The following SORBS2 variants were observed in gnomAD, a reference collection of about 807,000 sequenced individuals.
SORBS2 encodes sorbin and SH3 domain containing 2.
Under a neutral mutation model 97.7 loss-of-function variants are expected in SORBS2, and 46 were observed. That is an observed-to-expected ratio of 0.47 (90% CI 0.37 to 0.60). SORBS2 has a LOEUF of 0.60. Among genes scored for constraint, SORBS2 ranks in the 20% least tolerant of loss-of-function variants. SORBS2 has a pLI of 0.00. For synonymous variants in SORBS2, 476 were observed against 473.4 expected (o/e 1.01, Z -0.07); for missense variants, 1,316 against 1,282.3 (o/e 1.03, Z -0.40).
intron 12 of SORBS2, 47 bp downstream of exon 24, chr4:185,611,733 A>T: frequency 6.9e-7 from 1 of 1,454,624 alleles, no homozygotes; most frequent in Non-Finnish European, 9.6e-7. Context: ...CGATTATCTT[A>T]CTTGGAGCTT....
At chr4:185,659,670 C>G (rs200880344), upstream of SORBS2, among the ~76,000 whole-genome samples, 67 of 152,278 alleles carry the variant, frequency 4.4e-4, no homozygotes, top group East Asian at 9.9e-3. Flanking sequence ...ATCCACCCGC[C>G]TCGGCCTTCC....
intron 1 of SORBS2, among the ~76,000 whole-genome samples, chr4:185,797,206 T>A (rs901910278): frequency 1.1e-4 from 17 of 152,182 alleles, no homozygotes; most frequent in African/African-American, 3.9e-4. Context: ...TCAGATGCGT[T>A]CCAGACACTT....
At chr4:185,650,483 C>T (rs1288701276) in intron 2 of SORBS2, among the ~76,000 whole-genome samples, 4 of 152,200 alleles carry the variant, frequency 2.6e-5, no homozygotes, top group Non-Finnish European at 5.9e-5. Context: ...GACTCGTCCA[C>T]TGATCAAATG....
intron 2 of SORBS2, among the ~76,000 whole-genome samples, chr4:185,690,149 T>G (rs905305783): frequency 6.6e-6 from 1 of 152,350 alleles, no homozygotes; most frequent in South Asian, 2.1e-4. Context: ...TATAAAACTT[T>G]GGCACTCTAT....
At position 185,673,191 on chromosome 4, in the gene SORBS2, C is replaced by T. The variant is rs28681135; in HGVS notation, c.-46+5232G>A. ...GGGAAGGGGGATATGAGTTGCTATT[C>T]GGTGGGCATAAAGTTTTAGTTATGC... is the stretch of plus-strand genomic sequence containing the variant. On this transcript the variant is annotated intron_variant, in intron 4 of 20. Coordinates refer to the SORBS2 transcript ENST00000284776. Among the ~76,000 whole-genome samples the T allele has an allele frequency of 9.6e-3, 1,462 of 152,210 alleles. 22 individuals are homozygous for T. The highest frequency in any genetic ancestry group is 0.032 in the African/African-American group (1,345 of 41,522).
At chr4:185,876,786 T>C (rs978849431) in intron 1 of SORBS2, among the ~76,000 whole-genome samples, 1 of 152,168 alleles carries the variant, frequency 6.6e-6, no homozygotes, top group Non-Finnish European at 1.5e-5. Flanking sequence ...CACATAATAA[T>C]TCAGTTAAAA....
chr4:185,690,665 A>C, intron 2 of SORBS2, 54 bp from the exon 4 acceptor site: 1 of 732,264 alleles, frequency 1.4e-6, no homozygotes, highest in Non-Finnish European at 2.2e-6. Flanking sequence ...AGAAAATATC[A>C]TGAAAGTGTG....
intron 1 of SORBS2, among the ~76,000 whole-genome samples, chr4:185,865,852 A>T (rs558320469): frequency 1.4e-5 from 2 of 146,938 alleles, no homozygotes; most frequent in South Asian, 4.3e-4. Context: ...CTTGATAAAC[A>T]TGCCTTTTAA....
At chr4:185,690,060 G>A (rs1405377233) in intron 2 of SORBS2, among the ~76,000 whole-genome samples, 1 of 151,904 alleles carries the variant, frequency 6.6e-6, no homozygotes, top group Non-Finnish European at 1.5e-5. Flanking sequence ...GTTATTTGGA[G>A]ATACTACTCT....
Position 185,691,776 on chromosome 4 carries a change from G to A in SORBS2, c.-197-12954C>T, listed in dbSNP as rs566109716. Among the ~76,000 whole-genome samples the A allele has an allele frequency of 5.9e-5, 9 of 151,924 alleles. No homozygotes were observed. The South Asian group carries it at 1.0e-3, about 18-fold the overall frequency. On this transcript the variant is annotated intron_variant, in intron 2 of 20. Transcript: ENST00000284776. ...AGTTTTTTTTTTTGAGATGAGTCTCGCTCTGTCGCCCAGGCTGGAGTGCAG... is the reference window on the plus strand; with the variant it reads ...AGTTTTTTTTTTTGAGATGAGTCTCACTCTGTCGCCCAGGCTGGAGTGCAG...
rs147381423 is a variant in SORBS2 at position 185,642,939 on chromosome 4, T to C, written c.396+3729A>G. Among the ~76,000 whole-genome samples the C allele has an allele frequency of 9.2e-5, 14 of 152,324 alleles. No individual in the cohort carries two copies. The East Asian group carries it at 2.5e-3, about 27-fold the overall frequency. ...GATAAACAACAGAACAAGGATTCAG[T>C]CCCTCACCAACTTTTTCCACTGACT... is the stretch of plus-strand genomic sequence containing the variant. On this transcript the variant is annotated intron_variant, in intron 4 of 14. Coordinates refer to ENST00000418609, the Ensembl canonical transcript of SORBS2.
At chr4:185,742,718 T>C (rs2098735024) in intron 2 of SORBS2, among the ~76,000 whole-genome samples, 1 of 152,142 alleles carries the variant, frequency 6.6e-6, no homozygotes, top group Non-Finnish European at 1.5e-5. Context: ...TAAAGATATA[T>C]TTGCTATAGT....
chr4:185,950,450 A>G (rs1332960190), intron 1 of SORBS2, among the ~76,000 whole-genome samples: 1 of 152,150 alleles, frequency 6.6e-6, no homozygotes, highest in Admixed American at 6.5e-5. Context: ...AGTTAATGGA[A>G]AAAGAGACCA....
intron 1 of SORBS2, among the ~76,000 whole-genome samples, chr4:185,938,006 T>A (rs986805418): frequency 9.2e-6 from 1 of 108,710 alleles, no homozygotes; most frequent in Admixed American, 1.0e-4. Flanking sequence ...AGAGAAATCA[T>A]TCTTTTTTTT....
Position 185,952,116 on chromosome 4 carries a change from C to T in SORBS2, c.-338+4080G>A, listed in dbSNP as rs376931544. On this transcript the variant is annotated intron_variant, in intron 1 of 20. Transcript: ENST00000284776. ...CTCGGCTCACTGCAACCTTCACCTC[C>T]CAGGTTGAAGCCATCCTCCTGCCTC... Among the ~76,000 whole-genome samples, 74 of 152,066 alleles carry T rather than the reference C, an allele frequency of 4.9e-4. No individual in the cohort carries two copies. In the East Asian group the frequency reaches 0.012, roughly 24 times the overall value.
In SORBS2 at chr4:185,743,671, G is replaced by A. The variant is rs192823230; in HGVS notation, c.-198+31556C>T. 1.1e-3 allele frequency among the ~76,000 whole-genome samples: 161 copies of A among 152,282 alleles called. 1 individual carries two copies. The highest frequency in any genetic ancestry group is 6.8e-3 in the Middle Eastern group (2 of 294). The stretch of plus-strand genomic sequence containing the variant: ...GAAAGAGGGTTCAGGTAGCAAATGA[G>A]TGGAAGGACAGGGCAAACTAAGACT... On this transcript the variant is annotated intron_variant, in intron 2 of 20. Transcript: ENST00000284776.
chr4:185,939,401 C>T (rs1438598975), intron 1 of SORBS2, among the ~76,000 whole-genome samples: 1 of 152,180 alleles, frequency 6.6e-6, no homozygotes, highest in African/African-American at 2.4e-5. Context: ...TCCACCTTAA[C>T]CAAAAAACAG....
rs1277941356 is a variant in SORBS2 at position 185,589,712 on chromosome 4, C to T, written c.2920G>A (p.Val974Ile). The change falls in exon 14 of 15, where the codon GTC becomes ATC. Residue 974 changes from valine to isoleucine, a missense_variant. Val to Ile is a conservative substitution (Grantham distance 29, BLOSUM62 3). Transcript: ENST00000418609. The stretch of plus-strand genomic sequence containing the variant: ...CAGCCGTCATCACACTTTTCCATGA[C>T]ATCAATGACATCACTTTCTCTGAGC... 4.3e-6 allele frequency: 7 copies of T among 1,611,978 alleles called. No homozygotes were observed. The highest frequency in any genetic ancestry group is 3.3e-5 in the Admixed American group (2 of 60,006).
chr4:185,837,325 T>A (rs2099208648), intron 1 of SORBS2, among the ~76,000 whole-genome samples: 1 of 152,224 alleles, frequency 6.6e-6, no homozygotes, highest in African/African-American at 2.4e-5. Flanking sequence ...GCATTGCAGC[T>A]GTCCTGGGAA....
Sources: allele counts gnomAD v4.1 joint callset (sites outside exome capture counted in the v4.1 genomes callset), GRCh38; gene constraint gnomAD v4.1.1; transcripts MANE v1.5; gene names NCBI Gene and HGNC (gene_info 2026-07-23, HGNC 2026-07-21).